The following PCDH11X variants were observed in gnomAD, a reference collection of about 807,000 sequenced individuals.
PCDH11X encodes protocadherin-11 X-linked.
In PCDH11X, 18 loss-of-function variants were observed where a neutral mutation model predicts 53.3. The ratio of observed to expected loss-of-function variants is 0.34; its 90% CI spans 0.23 to 0.50. PCDH11X has a LOEUF of 0.50. Ranked by LOEUF, PCDH11X falls within the 20% of genes least tolerant of loss-of-function variation. The pLI is 0.98. For missense variants in PCDH11X, 570 were observed against 1,032.4 expected, an observed-to-expected ratio of 0.55 and a Z score of 6.14; for synonymous variants, 279 against 393.3, an observed-to-expected ratio of 0.71 and a Z score of 3.44.
At chrX:91,967,448 A>T (rs112089698) in intron 6 of PCDH11X, among the ~76,000 whole-genome samples, 4,682 of 110,491 alleles carry the variant, frequency 0.042, 182 homozygotes, top group African/African-American at 0.12. Context: ...AAGGATCTAG[A>T]TTGTGCACTT....
At chrX:92,487,610 G>C (rs940404565) in intron 10 of PCDH11X, among the ~76,000 whole-genome samples, 2 of 110,822 alleles carry the variant, frequency 1.8e-5, no homozygotes, top group Admixed American at 9.7e-5. Flanking sequence ...TTTACTCTGT[G>C]TCAGGCCTTG....
chrX:92,610,061 T>A, intron 10 of PCDH11X, among the ~76,000 whole-genome samples: 1 of 111,975 alleles, frequency 8.9e-6, no homozygotes. Flanking sequence ...AACATGCAAG[T>A]GCATGTGTCT....
At chrX:92,006,847 G>C (rs2062607951) in intron 6 of PCDH11X, among the ~76,000 whole-genome samples, 2 of 111,639 alleles carry the variant, frequency 1.8e-5, no homozygotes, top group South Asian at 7.5e-4. Flanking sequence ...TGTGGTTCTT[G>C]CAGACGCATA....
intron 1 of PCDH11X, among the ~76,000 whole-genome samples, chrX:91,786,978 A>G (rs1935356541): frequency 1.8e-5 from 2 of 111,053 alleles, no homozygotes; most frequent in African/African-American, 6.5e-5. Context: ...TTAATTTTCT[A>G]CTAGCATTAT....
chrX:92,568,785 C>T (rs1377626936), intron 10 of PCDH11X, among the ~76,000 whole-genome samples: 1 of 110,700 alleles, frequency 9.0e-6, no homozygotes, highest in East Asian at 2.8e-4. Flanking sequence ...GAGTCAATAA[C>T]GAAACATTCA....
intron 6 of PCDH11X, among the ~76,000 whole-genome samples, chrX:91,981,057 T>C (rs2062127950): frequency 9.9e-6 from 1 of 101,096 alleles, no homozygotes; most frequent in Non-Finnish European, 2.0e-5. Context: ...ATATATACAC[T>C]GAATATATTT....
At chrX:92,566,373 T>C (rs977154548) in intron 10 of PCDH11X, among the ~76,000 whole-genome samples, 1 of 109,384 alleles carries the variant, frequency 9.1e-6, no homozygotes, top group Admixed American at 9.9e-5. Flanking sequence ...AATATTTTAT[T>C]GAAAATAGTG....
chrX:92,313,605 G>A (rs2069004269), intron 8 of PCDH11X, among the ~76,000 whole-genome samples: 1 of 108,824 alleles, frequency 9.2e-6, no homozygotes, highest in Admixed American at 9.9e-5. Flanking sequence ...ATTTAATGAT[G>A]GAGATACTTT....
At chrX:91,850,130 A>G (rs1937922172) in intron 5 of PCDH11X, among the ~76,000 whole-genome samples, 1 of 111,040 alleles carries the variant, frequency 9.0e-6, no homozygotes, top group South Asian at 3.7e-4. Flanking sequence ...CTTGGTTTCT[A>G]TTACATTTAG....
intron 6 of PCDH11X, among the ~76,000 whole-genome samples, chrX:92,022,860 A>C (rs2062907644): frequency 9.1e-6 from 1 of 110,476 alleles, no homozygotes; most frequent in Admixed American, 9.7e-5. Context: ...AGGATTAAGA[A>C]ACTCACTCAA....
intron 1 of PCDH11X, among the ~76,000 whole-genome samples, chrX:91,803,769 A>G (rs1794935167): frequency 8.9e-6 from 1 of 111,988 alleles, no homozygotes; most frequent in Admixed American, 9.6e-5. Flanking sequence ...ATAACTGATT[A>G]CATTCTTTGG....
intron 5 of PCDH11X, among the ~76,000 whole-genome samples, chrX:91,874,281 ATGT>A (rs1436794307): frequency 9.0e-6 from 1 of 110,835 alleles, no homozygotes; most frequent in Non-Finnish European, 1.9e-5. Flanking sequence ...CTTACATTCA[ATGT>A]TGTCATGAAA....
chrX:92,405,749 C>A (rs2071492128), intron 9 of PCDH11X, among the ~76,000 whole-genome samples: 1 of 108,869 alleles, frequency 9.2e-6, no homozygotes, highest in African/African-American at 3.4e-5. Flanking sequence ...TCTCCCTCAG[C>A]ACCTCTCTTC....
At chrX:92,174,302 T>C (rs1302223722) in intron 6 of PCDH11X, among the ~76,000 whole-genome samples, 1 of 111,014 alleles carries the variant, frequency 9.0e-6, no homozygotes. Context: ...AAAATATTGC[T>C]GGTTACCTTG....
chrX:92,134,574 G>A (rs1328354717), intron 6 of PCDH11X, among the ~76,000 whole-genome samples: 6 of 111,127 alleles, frequency 5.4e-5, no homozygotes, highest in African/African-American at 1.6e-4. Flanking sequence ...TGGATCTTGT[G>A]CAAGAAAAAA....
chrX:92,408,547 T>G (rs183310076), intron 9 of PCDH11X, among the ~76,000 whole-genome samples: 1 of 81,782 alleles, frequency 1.2e-5, no homozygotes, highest in Admixed American at 1.5e-4. Context: ...ATTACTATTC[T>G]TTAAAGAAAT....
intron 6 of PCDH11X, among the ~76,000 whole-genome samples, chrX:92,132,669 G>GTATATATATATATATA (rs1230739543): frequency 1.9e-5 from 1 of 51,607 alleles, no homozygotes; most frequent in Non-Finnish European, 3.0e-5. Context: ...ATATATATAT[G>GTATATATATATATATA]TATATGTATA....
At chrX:92,115,571 G>A (rs1351582775) in intron 6 of PCDH11X, among the ~76,000 whole-genome samples, 14 of 110,599 alleles carry the variant, frequency 1.3e-4, no homozygotes, top group Admixed American at 3.9e-4. Flanking sequence ...TAGGAAGCCA[G>A]TAGTGGCTCA....
At chrX:92,113,139 A>G (rs1206013476) in intron 6 of PCDH11X, 79 of 822,607 alleles carry the variant, frequency 9.6e-5, no homozygotes, top group Non-Finnish European at 1.2e-4. Flanking sequence ...AAGAAAAAAA[A>G]TGACAAGATG....
Sources: gnomAD v4.1 joint callset for allele counts (sites outside exome capture counted in the v4.1 genomes callset) on GRCh38, gnomAD v4.1.1 for gene constraint, MANE v1.5 for transcripts, NCBI Gene and HGNC (gene_info 2026-07-23, HGNC 2026-07-21) for gene names.